Variants in QTGAL observed in about 807,000 individuals in gnomAD.
QTGAL encodes the protein queuosine-tRNA galactosyltransferase, also known as BGnT-like protein 1.
chr17:82,956,629 C>T, the QTGAL span: 44 of 1,451,762 alleles, frequency 3.0e-5, no homozygotes, highest in Non-Finnish European at 3.8e-5. The surrounding 1 kb of genome is among the most constrained non-coding windows in gnomAD (Gnocchi z 5.7). Context: ...CACAGCAGGG[C>T]GGGTTGTCCA....
the QTGAL span, chr17:83,034,966 G>GT: frequency 7.7e-7 from 1 of 1,299,686 alleles, no homozygotes; most frequent in Non-Finnish European, 1.1e-6. Context: ...GCACTAAAAT[G>GT]TAAGATCATT....
chr17:83,008,818 G>A, the QTGAL span, among the ~76,000 whole-genome samples: 3 of 151,824 alleles, frequency 2.0e-5, no homozygotes, highest in East Asian at 1.9e-4. Context: ...CCCTGCCGCC[G>A]AGCGAGTGCG....
At chr17:82,945,778 A>G in the QTGAL span, 4 of 152,212 alleles carry the variant, frequency 2.6e-5, no homozygotes, top group Admixed American at 6.5e-5. Context: ...GACACTGCCA[A>G]ATATCTTCTG....
At chr17:82,959,754 GCCT>G in the QTGAL span, among the ~76,000 whole-genome samples, 1 of 152,056 alleles carries the variant, frequency 6.6e-6, no homozygotes, top group Non-Finnish European at 1.5e-5. Flanking sequence ...TCTGACACCG[GCCT>G]CCTCGACGGC....
At chr17:82,997,176 TAC>T in the QTGAL span, among the ~76,000 whole-genome samples, 1,843 of 152,238 alleles carry the variant, frequency 0.012, 41 homozygotes, top group African/African-American at 0.042. Flanking sequence ...CCAGAACATA[TAC>T]AGAGCTCAAA....
chr17:82,995,718 T>C, the QTGAL span, among the ~76,000 whole-genome samples: 1 of 152,086 alleles, frequency 6.6e-6, no homozygotes, highest in Non-Finnish European at 1.5e-5. Context: ...AGTGAACAAT[T>C]TGAAAAAGAA....
the QTGAL span, among the ~76,000 whole-genome samples, chr17:83,034,722 G>A: frequency 6.6e-6 from 1 of 152,152 alleles, no homozygotes; most frequent in Non-Finnish European, 1.5e-5. Context: ...TGAGTCTCAG[G>A]AGAGCTGATG....
At chr17:83,041,364 GA>G in the QTGAL span, among the ~76,000 whole-genome samples, 1 of 152,082 alleles carries the variant, frequency 6.6e-6, no homozygotes. Context: ...TCATATTATT[GA>G]AAAACATTCA....
At chr17:83,036,530 ATC>A in the QTGAL span, among the ~76,000 whole-genome samples, 3 of 152,208 alleles carry the variant, frequency 2.0e-5, no homozygotes, top group African/African-American at 4.8e-5. Context: ...GTTTCAAAAA[ATC>A]TCTGTCTTCA....
At chr17:83,041,581 G>A in the QTGAL span, among the ~76,000 whole-genome samples, 1 of 152,218 alleles carries the variant, frequency 6.6e-6, no homozygotes, top group Non-Finnish European at 1.5e-5. Context: ...CACAGGCAAT[G>A]GGGTCACACA....
the QTGAL span, among the ~76,000 whole-genome samples, chr17:83,010,794 C>G: frequency 6.6e-6 from 1 of 152,318 alleles, no homozygotes; most frequent in African/African-American, 2.4e-5. Context: ...GGAACGGCGC[C>G]CAGGATGCAG....
chr17:82,944,670 T>C, the QTGAL span: 1 of 152,176 alleles, frequency 6.6e-6, no homozygotes, highest in African/African-American at 2.4e-5. Context: ...GAAGCCAGTA[T>C]CCCTGGGACC....
At chr17:83,014,199 A>G in the QTGAL span, among the ~76,000 whole-genome samples, 1 of 152,192 alleles carries the variant, frequency 6.6e-6, no homozygotes, top group Non-Finnish European at 1.5e-5. Flanking sequence ...AGCTTCTAAA[A>G]CGCTGATTAA....
chr17:82,945,314 G>C, the QTGAL span: 1 of 152,200 alleles, frequency 6.6e-6, no homozygotes, highest in African/African-American at 2.4e-5. Context: ...GGTAATTGGG[G>C]TCTCAGAATG....
chr17:82,971,723 G>C, the QTGAL span, among the ~76,000 whole-genome samples: 3 of 3,480 alleles, frequency 8.6e-4, no homozygotes, highest in African/African-American at 4.1e-3. Flanking sequence ...ACCTGGTGCC[G>C]ACCACACCAC....
At chr17:82,961,232 C>G in the QTGAL span, 1 of 1,576,994 alleles carries the variant, frequency 6.3e-7, no homozygotes. Flanking sequence ...AAACGCGTGC[C>G]TGCCCCGGAT....
At chr17:83,048,857 C>T in the QTGAL span, 1 of 1,232,896 alleles carries the variant, frequency 8.1e-7, no homozygotes, top group East Asian at 2.3e-5. Flanking sequence ...TAATTTACCT[C>T]CCCTTCACCA....
the QTGAL span, among the ~76,000 whole-genome samples, chr17:82,962,434 TG>T: frequency 6.9e-6 from 1 of 144,678 alleles, no homozygotes; most frequent in South Asian, 2.2e-4. Flanking sequence ...GAAGCCCACA[TG>T]CTGTCTCACA....
At chr17:82,987,866 T>C in the QTGAL span, among the ~76,000 whole-genome samples, 1 of 152,226 alleles carries the variant, frequency 6.6e-6, no homozygotes, top group Non-Finnish European at 1.5e-5. Flanking sequence ...TTGGGCAGTA[T>C]GGCCATTTTC....
Sources: allele counts gnomAD v4.1 joint callset (sites outside exome capture counted in the v4.1 genomes callset), GRCh38; gene constraint gnomAD v4.1.1; non-coding constraint Gnocchi (gnomAD v3.1); transcripts MANE v1.5; gene names NCBI Gene and HGNC (gene_info 2026-07-23, HGNC 2026-07-21).